The following BRAF variants were observed in gnomAD, a reference collection of about 807,000 sequenced individuals.
BRAF encodes serine/threonine-protein kinase B-raf.
In BRAF, 16 loss-of-function variants were observed where a neutral mutation model predicts 104.6. The observed-to-expected ratio is 0.15, with a 90% CI of 0.10 to 0.23. The LOEUF (loss-of-function observed/expected upper bound fraction) is 0.23, where lower values mean the gene tolerates loss of function less well. Ranked by LOEUF, BRAF falls within the 10% of genes least tolerant of loss-of-function variation. The pLI, the probability that BRAF is intolerant of heterozygous loss-of-function variation, is 1.00. For synonymous variants in BRAF, 310 were observed against 341.6 expected (o/e 0.91, Z 1.02); for missense variants, 541 against 937.3 (o/e 0.58, Z 5.52).
At chr7:140,785,961 T>C (rs977156536) in intron 9 of BRAF, among the ~76,000 whole-genome samples, 1 of 152,300 alleles carries the variant, frequency 6.6e-6, no homozygotes, top group Non-Finnish European at 1.5e-5. Flanking sequence ...AAAATCCCAA[T>C]GATTTTTTAA....
intron 14 of BRAF, among the ~76,000 whole-genome samples, chr7:140,775,577 G>T (rs1800263131): frequency 6.7e-6 from 1 of 149,694 alleles, no homozygotes; most frequent in South Asian, 2.2e-4. Flanking sequence ...GACCTCAGGT[G>T]ATCCGCCTGC....
At chr7:140,907,125 A>G (rs73502751) in intron 1 of BRAF, among the ~76,000 whole-genome samples, 10,192 of 152,198 alleles carry the variant, frequency 0.067, 1,068 homozygotes, top group African/African-American at 0.23. Flanking sequence ...GCTACACTCT[A>G]AACAGTTTCT....
At chr7:140,804,755 A>AT (rs1249302440) in intron 5 of BRAF, among the ~76,000 whole-genome samples, 1 of 152,094 alleles carries the variant, frequency 6.6e-6, no homozygotes, top group African/African-American at 2.4e-5. Context: ...CTACATGTAA[A>AT]TTTTTTTATG....
At chr7:140,772,723 G>A (rs1226603888) in intron 14 of BRAF, among the ~76,000 whole-genome samples, 1 of 152,118 alleles carries the variant, frequency 6.6e-6, no homozygotes, top group Admixed American at 6.5e-5. Flanking sequence ...GATGCAATCT[G>A]GTTATGTGTT....
chr7:140,923,417 A>T (rs182662720), intron 1 of BRAF, among the ~76,000 whole-genome samples: 1 of 152,296 alleles, frequency 6.6e-6, no homozygotes, highest in Non-Finnish European at 1.5e-5. Context: ...TTTATGTAAT[A>T]AAAAAACGTA....
At chr7:140,737,151 A>C (rs1218616249) in intron 18 of BRAF, among the ~76,000 whole-genome samples, 1 of 152,084 alleles carries the variant, frequency 6.6e-6, no homozygotes. Flanking sequence ...ACTTAATCTT[A>C]ATGTCTTTTT....
chr7:140,762,694 A>C (rs1333733637), intron 14 of BRAF, among the ~76,000 whole-genome samples: 14 of 150,360 alleles, frequency 9.3e-5, no homozygotes, highest in Admixed American at 9.3e-4. Flanking sequence ...AGTGGAGGGA[A>C]GGTCAGCAGA....
chr7:140,867,775 T>C (rs550087385), intron 1 of BRAF, among the ~76,000 whole-genome samples: 38 of 152,168 alleles, frequency 2.5e-4, no homozygotes, highest in African/African-American at 9.2e-4. Context: ...AGAAGCAAAA[T>C]TGGTATGTGC....
At chr7:140,752,868 T>C (rs1797897193) in intron 16 of BRAF, among the ~76,000 whole-genome samples, 2 of 152,190 alleles carry the variant, frequency 1.3e-5, no homozygotes, top group Non-Finnish European at 2.9e-5. Context: ...CTGTTTTTTT[T>C]TTCAACAGGG....
chr7:140,718,941 A>AG (rs1476854799), downstream of BRAF, among the ~76,000 whole-genome samples: 2 of 152,230 alleles, frequency 1.3e-5, no homozygotes, highest in African/African-American at 4.8e-5. Flanking sequence ...GTAAGCTGTC[A>AG]AAAGTTTGAA....
At position 140,760,404 on chromosome 7, in the gene BRAF, C is replaced by T. The variant is rs115245743; in HGVS notation, c.1815-6171G>A. Among the ~76,000 whole-genome samples the T allele has an allele frequency of 9.9e-3, 1,414 of 142,780 alleles. 24 individuals are homozygous for T. The highest frequency in any genetic ancestry group is 0.035 in the African/African-American group (1,328 of 37,412). 93.7% of individuals were successfully genotyped at this position (142,780 alleles called of 152,430 possible). On this transcript the variant is annotated intron_variant, in intron 14 of 19. Coordinates refer to ENST00000644969, the MANE Select transcript of BRAF (RefSeq NM_001374258.1). ...CTCCAGCCTGAGGGACAGAGTGAGACTCTTCCTTGAGAGAGAGAAAAAAAA... is the reference window on the plus strand; with the variant it reads ...CTCCAGCCTGAGGGACAGAGTGAGATTCTTCCTTGAGAGAGAGAAAAAAAA...
At chr7:140,776,781 A>G in intron 14 of BRAF, 131 bp downstream of exon 13, 1 of 853,498 alleles carries the variant, frequency 1.2e-6, no homozygotes, top group Non-Finnish European at 1.9e-6. Context: ...TTTACCAGCC[A>G]TTAGTTAGCA....
chr7:140,916,615 T>C (rs1257676148), intron 1 of BRAF, among the ~76,000 whole-genome samples: 2 of 152,246 alleles, frequency 1.3e-5, no homozygotes, highest in African/African-American at 2.4e-5. Context: ...AAGGACGTGA[T>C]TGACTTTTCT....
Position 140,919,238 on chromosome 7 carries a change from C to T in BRAF, c.138+5328G>A, listed in dbSNP as rs976424810. 5.9e-5 allele frequency among the ~76,000 whole-genome samples: 9 copies of T among 152,090 alleles called. 1 individual carries two copies. On this transcript the variant is annotated intron_variant, in intron 1 of 19. Coordinates refer to ENST00000644969, the MANE Select transcript of BRAF (RefSeq NM_001374258.1). Reference sequence around the variant, plus strand: ...TCTGGCGTACTTTGAAAACCACCGTCCCACAGTACATTTGTCCCAAACGTG... The same window carrying T: ...TCTGGCGTACTTTGAAAACCACCGTTCCACAGTACATTTGTCCCAAACGTG...
intron 7 of BRAF, chr7:140,799,918 T>C (rs1400131234): frequency 2.0e-5 from 6 of 305,520 alleles, no homozygotes; most frequent in Non-Finnish European, 3.7e-5. Context: ...GTTGCATGAT[T>C]TTTTCAGGAC....
At chr7:140,923,378 T>G (rs1231827602) in intron 1 of BRAF, among the ~76,000 whole-genome samples, 2 of 152,102 alleles carry the variant, frequency 1.3e-5, no homozygotes, top group Non-Finnish European at 1.5e-5. Flanking sequence ...TTATTTTCTG[T>G]AATAAAATAC....
chr7:140,855,277 C>T (rs1348631908), intron 1 of BRAF, among the ~76,000 whole-genome samples: 1 of 151,914 alleles, frequency 6.6e-6, no homozygotes, highest in Non-Finnish European at 1.5e-5. Context: ...TACCACAATC[C>T]TAAAAGGGAG....
At chr7:140,742,926 A>G (rs899905239) in intron 17 of BRAF, among the ~76,000 whole-genome samples, 2 of 151,888 alleles carry the variant, frequency 1.3e-5, no homozygotes, top group Non-Finnish European at 2.9e-5. Flanking sequence ...ATGAACAGAC[A>G]CTTCTCAAAA....
chr7:140,875,745 A>G (rs1470689318), intron 1 of BRAF, among the ~76,000 whole-genome samples: 2 of 152,210 alleles, frequency 1.3e-5, no homozygotes, highest in Non-Finnish European at 2.9e-5. Flanking sequence ...TCAAATGACA[A>G]CAGGTTTCTC....
Sources: gnomAD v4.1 joint callset for allele counts (sites outside exome capture counted in the v4.1 genomes callset) on GRCh38, gnomAD v4.1.1 for gene constraint, MANE v1.5 for transcripts, NCBI Gene and HGNC (gene_info 2026-07-23, HGNC 2026-07-21) for gene names.